The following PDE7B variants were observed in gnomAD, a reference collection of about 807,000 sequenced individuals.
The protein encoded by PDE7B is phosphodiesterase 7B.
A neutral mutation model predicts 56.2 loss-of-function variants in PDE7B; 29 were observed. That is an observed-to-expected ratio of 0.52 (90% CI 0.38 to 0.70). The LOEUF (loss-of-function observed/expected upper bound fraction) is 0.70. PDE7B is among the 30% of genes least tolerant of loss of function. The pLI is 0.00. For missense variants in PDE7B, 490 were observed against 565.0 expected, an observed-to-expected ratio of 0.87 and a Z score of 1.35; for synonymous variants, 197 against 196.9, an observed-to-expected ratio of 1.00 and a Z score of 0.00.
intron 1 of PDE7B, among the ~76,000 whole-genome samples, chr6:135,876,281 T>A (rs1320983587): frequency 6.6e-6 from 1 of 152,130 alleles, no homozygotes; most frequent in Non-Finnish European, 1.5e-5. Flanking sequence ...CGCACACACC[T>A]GTGGATCTGA....
chr6:136,101,988 G>T (rs777280925), intron 2 of PDE7B, among the ~76,000 whole-genome samples: 5 of 152,226 alleles, frequency 3.3e-5, no homozygotes, highest in Non-Finnish European at 5.9e-5. Context: ...GACCTATGAA[G>T]TACATCATGC....
At chr6:136,139,164 C>A (rs1778270111) in intron 3 of PDE7B, among the ~76,000 whole-genome samples, 1 of 152,156 alleles carries the variant, frequency 6.6e-6, no homozygotes, top group Non-Finnish European at 1.5e-5. Flanking sequence ...GTTCGCCCTC[C>A]TGTGTCCATG....
chr6:135,908,562 A>G (rs1366252312), intron 1 of PDE7B, among the ~76,000 whole-genome samples: 1 of 152,188 alleles, frequency 6.6e-6, no homozygotes, highest in Non-Finnish European at 1.5e-5. Context: ...AAAATGAAAC[A>G]CTGGAAGCAA....
intron 2 of PDE7B, among the ~76,000 whole-genome samples, chr6:135,961,251 G>A (rs1774892973): frequency 6.8e-6 from 1 of 147,218 alleles, no homozygotes; most frequent in African/African-American, 2.5e-5. Context: ...GTCATAGAGT[G>A]TATATGTGTG....
intron 1 of PDE7B, among the ~76,000 whole-genome samples, chr6:135,922,532 T>G (rs1415596519): frequency 6.6e-6 from 1 of 152,160 alleles, no homozygotes; most frequent in African/African-American, 2.4e-5. Context: ...TGATCCAGAG[T>G]TGACTTTCAG....
chr6:136,184,898 A>G (rs1187173145), intron 11 of PDE7B, among the ~76,000 whole-genome samples: 2 of 152,190 alleles, frequency 1.3e-5, no homozygotes, highest in African/African-American at 4.8e-5. Context: ...AACAAGATTT[A>G]AGAGGAAGAA....
chr6:135,976,486 G>A (rs62429925), intron 2 of PDE7B, among the ~76,000 whole-genome samples: 1 of 152,150 alleles, frequency 6.6e-6, no homozygotes, highest in Non-Finnish European at 1.5e-5. Flanking sequence ...CAGAGCGGGA[G>A]TAAGTAAAAC....
chr6:136,015,051 A>G (rs1775954496), intron 2 of PDE7B, among the ~76,000 whole-genome samples: 1 of 152,234 alleles, frequency 6.6e-6, no homozygotes, highest in Non-Finnish European at 1.5e-5. Flanking sequence ...GCACACAGAC[A>G]CGCACACAGA....
intron 2 of PDE7B, among the ~76,000 whole-genome samples, chr6:136,088,729 T>C (rs923031328): frequency 1.3e-5 from 2 of 151,942 alleles, no homozygotes; most frequent in Non-Finnish European, 2.9e-5. Context: ...CTTTTTATAG[T>C]GATGAAAATG....
intron 2 of PDE7B, among the ~76,000 whole-genome samples, chr6:135,965,749 G>T (rs368438482): frequency 1.3e-5 from 2 of 152,110 alleles, no homozygotes; most frequent in East Asian, 3.9e-4. Flanking sequence ...GGGAGCTACA[G>T]TTCAAAATGA....
At chr6:135,894,351 T>C (rs893742674) in intron 1 of PDE7B, among the ~76,000 whole-genome samples, 1 of 152,172 alleles carries the variant, frequency 6.6e-6, no homozygotes, top group Admixed American at 6.6e-5. Context: ...TTTAAAAACC[T>C]ACGTGAAAGA....
chr6:136,151,732 G>A (rs529069430), intron 6 of PDE7B, among the ~76,000 whole-genome samples: 38 of 152,082 alleles, frequency 2.5e-4, no homozygotes, highest in African/African-American at 8.2e-4. Flanking sequence ...TCAGGAGTTC[G>A]AGACCAGCCT....
intron 1 of PDE7B, among the ~76,000 whole-genome samples, chr6:135,920,818 G>T (rs1048637878): frequency 6.6e-6 from 1 of 152,116 alleles, no homozygotes; most frequent in African/African-American, 2.4e-5. Flanking sequence ...CATTTCCTGC[G>T]CAGAGTATCC....
intron 2 of PDE7B, among the ~76,000 whole-genome samples, chr6:135,981,993 C>A (rs1048287502): frequency 6.6e-6 from 1 of 152,078 alleles, no homozygotes; most frequent in Non-Finnish European, 1.5e-5. Flanking sequence ...ACTATGAAGT[C>A]ACTAGACGAT....
intron 2 of PDE7B, among the ~76,000 whole-genome samples, chr6:136,063,267 T>C (rs1776873842): frequency 6.6e-6 from 1 of 152,210 alleles, no homozygotes; most frequent in Non-Finnish European, 1.5e-5. Context: ...GAACAGCATC[T>C]GATTAACCAG....
intron 2 of PDE7B, among the ~76,000 whole-genome samples, chr6:136,011,588 C>T (rs1042864404): frequency 3.3e-5 from 5 of 152,172 alleles, no homozygotes; most frequent in Admixed American, 1.3e-4. Context: ...GTAATGTTCT[C>T]ACATTTTACC....
chr6:135,906,110 A>G (rs756880071), intron 1 of PDE7B, among the ~76,000 whole-genome samples: 1 of 152,192 alleles, frequency 6.6e-6, no homozygotes, highest in East Asian at 1.9e-4. Flanking sequence ...GCCCACAATG[A>G]CATGAGTTAG....
intron 1 of PDE7B, among the ~76,000 whole-genome samples, chr6:135,933,068 C>A (rs143993889): frequency 1.8e-3 from 278 of 152,220 alleles, no homozygotes; most frequent in African/African-American, 6.3e-3. Flanking sequence ...TTGGTGAAAG[C>A]ACAGAGGGTT....
chr6:136,187,161 A>G (rs1779157617), intron 12 of PDE7B, 45 bp downstream of exon 12: 1 of 940,278 alleles, frequency 1.1e-6, no homozygotes, highest in Non-Finnish European at 1.7e-6. Flanking sequence ...CCTTTGGCAC[A>G]TCTCACAAAA....
Sources: allele counts gnomAD v4.1 joint callset (sites outside exome capture counted in the v4.1 genomes callset), GRCh38; gene constraint gnomAD v4.1.1; transcripts MANE v1.5; gene names NCBI Gene and HGNC (gene_info 2026-07-23, HGNC 2026-07-21).